AFDN: variants seen among roughly 807,000 people sequenced by gnomAD.
AFDN encodes afadin, adherens junction formation factor, also known as afadin.
AFDN carries 68 observed loss-of-function variants against 216.6 expected under a neutral mutation model. That is an observed-to-expected ratio of 0.31 (90% CI 0.26 to 0.38). AFDN has a LOEUF of 0.38. Ranked by LOEUF, AFDN falls within the 10% of genes least tolerant of loss-of-function variation. The pLI is 1.00. For missense variants in AFDN, 2,136 were observed against 2,342.0 expected, an observed-to-expected ratio of 0.91 and a Z score of 1.82; for synonymous variants, 868 against 853.7, an observed-to-expected ratio of 1.02 and a Z score of -0.29.
rs769565572 is a variant in AFDN, at chr6:167,918,802, G to A, written c.2777G>A (p.Arg926Lys). 1.9e-6 allele frequency: 3 copies of A among 1,613,246 alleles called. No individual in the cohort carries two copies. The highest frequency in any genetic ancestry group is 2.2e-5 in the East Asian group (1 of 44,874). The stretch of plus-strand genomic sequence containing the variant: ...GATGAGCTGGCCCGCAGTGATGGAA[G>A]GGAAGTGCAGTTGGAGGAGGATCCT... ...TADELARSDG[R>K]EVQLEEDPDL... The change falls in exon 21 of 34, where the codon AGG becomes AAG. Residue 926 changes from arginine to lysine, a missense_variant. By Grantham distance (26) the Arg-to-Lys change is conservative. Around this residue, in one of 8 missense-constraint regions of AFDN, gnomAD observed 162 missense variants for 182.6 expected, o/e 0.89. Transcript: ENST00000683244.
chr6:167,841,722 A>C (rs561268398), intron 1 of AFDN, among the ~76,000 whole-genome samples: 1 of 152,064 alleles, frequency 6.6e-6, no homozygotes, highest in Non-Finnish European at 1.5e-5. Context: ...TGTCCATAAT[A>C]TATCAGTTAG....
chr6:167,861,095 G>A lies in AFDN; in HGVS notation c.106-3456G>A, dbSNP rs146848580. On this transcript the variant is annotated intron_variant, in intron 1 of 33. Coordinates refer to ENST00000683244, the MANE Select transcript of AFDN (RefSeq NM_001386888.1). ...CCTCCCCTCCTCTCCCCAACCCTCT[G>A]CACCCCTCCTCTCCCCTCCCTTCAT... Among the ~76,000 whole-genome samples, 1,196 of 151,686 alleles carry A rather than the reference G, an allele frequency of 7.9e-3. 7 individuals carry two copies. Among genetic ancestry groups the A allele is most frequent in the Middle Eastern group, 0.014 (4 of 294 alleles).
At chr6:167,892,282 ATC>A (rs1787709098) in intron 8 of AFDN, among the ~76,000 whole-genome samples, 2 of 152,220 alleles carry the variant, frequency 1.3e-5, no homozygotes, top group African/African-American at 4.8e-5. Context: ...AAGCTTTATT[ATC>A]TCACTGTAGT....
chr6:167,924,883 T>A, intron 22 of AFDN, 122 bp from the exon 23 acceptor site: 2 of 784,856 alleles, frequency 2.5e-6, no homozygotes, highest in South Asian at 2.7e-5. Context: ...CTGTTTATCT[T>A]CTCATCCTTT....
At chr6:167,911,805 T>C (rs1790436329) in intron 15 of AFDN, 1 of 363,398 alleles carries the variant, frequency 2.8e-6, no homozygotes, top group Non-Finnish European at 5.2e-6. Context: ...GAAGTTCATA[T>C]AATATTAACC....
At chr6:167,914,766 C>G (rs923421199) in intron 18 of AFDN, 28 bp downstream of exon 18, 2 of 1,462,572 alleles carry the variant, frequency 1.4e-6, no homozygotes, top group Non-Finnish European at 1.9e-6. Context: ...CTGTCTCCCT[C>G]TATCCCGCTT....
At chr6:167,959,118 C>A (rs1204123179) in intron 30 of AFDN, among the ~76,000 whole-genome samples, 3 of 152,228 alleles carry the variant, frequency 2.0e-5, no homozygotes, top group Non-Finnish European at 4.4e-5. Context: ...CTCTTTGAGC[C>A]ACACTGTCTT....
At chr6:167,949,616 G>A (rs900293101) in intron 29 of AFDN, among the ~76,000 whole-genome samples, 5 of 152,200 alleles carry the variant, frequency 3.3e-5, no homozygotes, top group East Asian at 1.9e-4. Context: ...AAAAGCTGGA[G>A]TTATCTGGGA....
intron 5 of AFDN, among the ~76,000 whole-genome samples, chr6:167,877,203 C>G (rs1401615702): frequency 6.6e-6 from 1 of 152,100 alleles, no homozygotes; most frequent in African/African-American, 2.4e-5. Flanking sequence ...GATGGCCCCT[C>G]TGCTTTTTAT....
At chr6:167,830,556 A>C (rs1779713422) in intron 1 of AFDN, among the ~76,000 whole-genome samples, 1 of 152,354 alleles carries the variant, frequency 6.6e-6, no homozygotes, top group African/African-American at 2.4e-5. Context: ...CAAGAAGCTT[A>C]CACTTAAATG....
intron 23 of AFDN, among the ~76,000 whole-genome samples, chr6:167,930,699 T>A (rs1262884908): frequency 6.6e-6 from 1 of 152,198 alleles, no homozygotes; most frequent in Non-Finnish European, 1.5e-5. Context: ...TCTGTTGCCC[T>A]GAGTAGTTCT....
At chr6:167,933,145 G>A (rs1793536565) in intron 23 of AFDN, among the ~76,000 whole-genome samples, 1 of 152,130 alleles carries the variant, frequency 6.6e-6, no homozygotes. Context: ...TTTAACTACA[G>A]CCTTTCTCTA....
chr6:167,944,337 C>T lies in AFDN; in HGVS notation c.3358+278C>T, dbSNP rs149454351. Among the ~76,000 whole-genome samples, 681 of 152,080 alleles carry T rather than the reference C, an allele frequency of 4.5e-3. 6 individuals are homozygous for T. Among genetic ancestry groups the T allele is most frequent in the African/African-American group, 0.016 (657 of 41,466 alleles). On this transcript the variant is annotated intron_variant, in intron 26 of 33. Transcript: ENST00000683244. ...GACTGCTGGTGAGCTTCCATAGGCC[C>T]GGCACATAGTAGGTGCTCAGTAGAG...
intron 2 of AFDN, among the ~76,000 whole-genome samples, chr6:167,866,171 A>C (rs1784160035): frequency 3.1e-5 from 1 of 32,028 alleles, no homozygotes; most frequent in Non-Finnish European, 9.9e-5. Flanking sequence ...TCGAGTGTGA[A>C]GTCTGAATAA....
In AFDN at chr6:167,856,972, T is replaced by G. The variant is rs1003836300; in HGVS notation, c.106-7579T>G. Among the ~76,000 whole-genome samples, 12 of 152,174 alleles carry G rather than the reference T, an allele frequency of 7.9e-5. No individual in the cohort carries two copies. The South Asian group carries it at 1.7e-3, about 21-fold the overall frequency. ...TATATTTATATATCTTAATGGATAA[T>G]TTTTGAAGCATCACTTTGTAAGAAA... On this transcript the variant is annotated intron_variant, in intron 1 of 33. Coordinates refer to ENST00000683244, the MANE Select transcript of AFDN (RefSeq NM_001386888.1).
intron 3 of AFDN, among the ~76,000 whole-genome samples, chr6:167,871,888 A>G (rs896311116): frequency 6.6e-6 from 1 of 152,148 alleles, no homozygotes; most frequent in African/African-American, 2.4e-5. Context: ...TGAAAATCAG[A>G]TTTCATCATT....
intron 23 of AFDN, among the ~76,000 whole-genome samples, chr6:167,931,400 G>A (rs1018749548): frequency 6.6e-6 from 1 of 152,142 alleles, no homozygotes; most frequent in Admixed American, 6.5e-5. Context: ...TAGATAGTTG[G>A]ATAGTGAAGC....
chr6:167,893,219 G>C (rs538171832), intron 8 of AFDN, among the ~76,000 whole-genome samples: 13 of 152,250 alleles, frequency 8.5e-5, no homozygotes, highest in Non-Finnish European at 1.3e-4. Flanking sequence ...CCAAAGCCAT[G>C]TTCTTTCACT....
chr6:167,874,232 A>G (rs1028816222), intron 4 of AFDN, among the ~76,000 whole-genome samples: 2 of 152,220 alleles, frequency 1.3e-5, no homozygotes, highest in Admixed American at 6.5e-5. Flanking sequence ...ACCCTGTCTC[A>G]AAATAAACCA....
Sources: allele counts gnomAD v4.1 joint callset (sites outside exome capture counted in the v4.1 genomes callset), GRCh38; gene constraint gnomAD v4.1.1; regional missense constraint gnomAD v4.1.1; transcripts MANE v1.5; gene names NCBI Gene and HGNC (gene_info 2026-07-23, HGNC 2026-07-21).